Variants in HERC3 observed in about 807,000 individuals in gnomAD.
The protein encoded by HERC3 is HECT and RLD domain containing E3 ubiquitin protein ligase 3.
In HERC3, 58 loss-of-function variants were observed where a neutral mutation model predicts 129.9. The ratio of observed to expected loss-of-function variants is 0.45; its 90% CI spans 0.36 to 0.56. The LOEUF (loss-of-function observed/expected upper bound fraction) is 0.56, where lower values mean the gene tolerates loss of function less well. Among genes scored for constraint, HERC3 ranks in the 20% least tolerant of loss-of-function variants. The pLI is 0.00. For missense variants in HERC3, 835 were observed against 1,244.2 expected (o/e 0.67, Z 4.95); for synonymous variants, 430 against 451.0 (o/e 0.95, Z 0.59).
chr4:88,534,233 A>G, the HERC3 span, among the ~76,000 whole-genome samples: 4 of 152,200 alleles, frequency 2.6e-5, no homozygotes, highest in Admixed American at 6.5e-5. Context: ...TGGTTTTTCA[A>G]CTGGAATGAT....
At chr4:88,687,761 T>G (rs28409937) in intron 23 of HERC3, among the ~76,000 whole-genome samples, 6,061 of 152,270 alleles carry the variant, frequency 0.04, 140 homozygotes, top group Middle Eastern at 0.12. Context: ...GAAATGAATT[T>G]TATAAAGGTG....
the HERC3 span, among the ~76,000 whole-genome samples, chr4:88,545,280 C>T: frequency 4.6e-5 from 7 of 152,066 alleles, no homozygotes; most frequent in South Asian, 1.5e-3. Flanking sequence ...TTAAAAATAA[C>T]ATTTTTTTCT....
intron 20 of HERC3, 96 bp from the exon 21 acceptor site, chr4:88,681,063 C>G: frequency 6.8e-7 from 1 of 1,473,480 alleles, no homozygotes; most frequent in Non-Finnish European, 9.0e-7. Flanking sequence ...GACCTTTATT[C>G]TTTTATTTTG....
intron 3 of HERC3, among the ~76,000 whole-genome samples, chr4:88,626,365 T>C (rs1203557320): frequency 2.6e-5 from 4 of 152,114 alleles, no homozygotes; most frequent in African/African-American, 4.8e-5. Context: ...TTATTACTTA[T>C]AGACTTATTA....
At chr4:88,568,139 G>GTC in the HERC3 span, among the ~76,000 whole-genome samples, 1 of 152,178 alleles carries the variant, frequency 6.6e-6, no homozygotes, top group South Asian at 2.1e-4. Flanking sequence ...GACAAACAGA[G>GTC]TCTCTCTCTC....
upstream of HERC3, among the ~76,000 whole-genome samples, chr4:88,590,887 C>CTTT (rs11333423): frequency 1.5e-5 from 2 of 137,734 alleles, no homozygotes; most frequent in Non-Finnish European, 3.1e-5. Context: ...CTTTTTCTTT[C>CTTT]TTTTTTTTTT....
Position 88,703,550 on chromosome 4 carries a change from A to G in HERC3, c.2658-548A>G, listed in dbSNP as rs530950906. On this transcript the variant is annotated intron_variant, in intron 23 of 25. Coordinates refer to ENST00000402738, the MANE Select transcript of HERC3 (RefSeq NM_014606.3). The stretch of plus-strand genomic sequence containing the variant: ...TGCAAATGACAATTCACTCGTCTTC[A>G]TTTGCATTTGCCTGATTATTAGTGA... Among the ~76,000 whole-genome samples, 19 of 152,194 alleles carry G rather than the reference A, an allele frequency of 1.2e-4. No homozygotes were observed. The South Asian group carries it at 2.5e-3, about 20-fold the overall frequency.
the HERC3 span, among the ~76,000 whole-genome samples, chr4:88,562,240 G>A: frequency 6.6e-6 from 1 of 152,046 alleles, no homozygotes; most frequent in African/African-American, 2.4e-5. Context: ...GCATTTTTCT[G>A]GTGATCAGTA....
intron 2 of HERC3, among the ~76,000 whole-genome samples, chr4:88,599,949 T>C (rs1339440471): frequency 2.0e-5 from 3 of 152,224 alleles, no homozygotes; most frequent in Admixed American, 1.3e-4. Flanking sequence ...TCTAAGCTCC[T>C]TACTATACAG....
the HERC3 span, among the ~76,000 whole-genome samples, chr4:88,547,653 GT>G: frequency 1.3e-5 from 2 of 152,050 alleles, no homozygotes; most frequent in Non-Finnish European, 2.9e-5. Flanking sequence ...TTAGCATAAA[GT>G]TTTTTGTTTG....
the HERC3 span, among the ~76,000 whole-genome samples, chr4:88,577,373 G>A: frequency 2.0e-5 from 3 of 152,014 alleles, no homozygotes; most frequent in Non-Finnish European, 4.4e-5. Flanking sequence ...ACCTTAAGGG[G>A]AGAAGTTACT....
chr4:88,681,782 A>C (rs1256451299), intron 21 of HERC3, among the ~76,000 whole-genome samples: 1 of 152,236 alleles, frequency 6.6e-6, no homozygotes, highest in African/African-American at 2.4e-5. Context: ...AACCAGTGTA[A>C]CTGGGATATC....
chr4:88,530,033 G>A, the HERC3 span, among the ~76,000 whole-genome samples: 349 of 152,094 alleles, frequency 2.3e-3, 2 homozygotes, highest in African/African-American at 8.0e-3. Context: ...GCTCACGCCT[G>A]TAATCCAGCA....
intron 23 of HERC3, 43 bp downstream of exon 23, chr4:88,687,342 A>G: frequency 7.7e-7 from 1 of 1,296,214 alleles, no homozygotes; most frequent in South Asian, 1.3e-5. Context: ...GCTACTTCAT[A>G]TTTCTGCAGT....
chr4:88,530,884 C>G, the HERC3 span, among the ~76,000 whole-genome samples: 2 of 152,146 alleles, frequency 1.3e-5, no homozygotes, highest in Non-Finnish European at 2.9e-5. Flanking sequence ...GAGTCTTGCT[C>G]TGTTGCCCAG....
chr4:88,573,219 A>G, the HERC3 span, among the ~76,000 whole-genome samples: 2 of 152,242 alleles, frequency 1.3e-5, no homozygotes, highest in Non-Finnish European at 2.9e-5. Context: ...GAAAATCCAT[A>G]GCCATTTGGA....
chr4:88,533,263 G>C, the HERC3 span, among the ~76,000 whole-genome samples: 1 of 152,138 alleles, frequency 6.6e-6, no homozygotes, highest in Non-Finnish European at 1.5e-5. Context: ...TTCTGCCCAC[G>C]CTGGCAGGTG....
At chr4:88,601,533 A>C (rs1275457568) in intron 2 of HERC3, among the ~76,000 whole-genome samples, 2 of 152,192 alleles carry the variant, frequency 1.3e-5, no homozygotes, top group Admixed American at 1.3e-4. Context: ...TGATATATTC[A>C]GCTTTGATGT....
intron 23 of HERC3, among the ~76,000 whole-genome samples, chr4:88,699,094 G>C (rs1164619617): frequency 2.6e-3 from 1 of 392 alleles, no homozygotes; most frequent in African/African-American, 0.031. Flanking sequence ...TCTTCCTCAC[G>C]CTCCTCACCC....
Sources: gnomAD v4.1 joint callset for allele counts (sites outside exome capture counted in the v4.1 genomes callset) on GRCh38, gnomAD v4.1.1 for gene constraint, MANE v1.5 for transcripts, NCBI Gene and HGNC (gene_info 2026-07-23, HGNC 2026-07-21) for gene names.